Variants in RBFOX1 observed in about 807,000 individuals in gnomAD.
The protein encoded by RBFOX1 is RNA binding fox-1 homolog 1.
A neutral mutation model predicts 57.7 loss-of-function variants in RBFOX1; 8 were observed. The observed-to-expected ratio is 0.14, with a 90% confidence interval of 0.08 to 0.25. RBFOX1 has a LOEUF of 0.25. Among genes scored for constraint, RBFOX1 ranks in the 10% least tolerant of loss-of-function variants. The probability of loss-of-function intolerance (pLI) is 1.00; values close to 1 mark genes in which losing one functional copy is unlikely to be tolerated. For synonymous variants in RBFOX1, 326 were observed against 222.4 expected (o/e 1.47, Z -4.15); for missense variants, 611 against 548.5 (o/e 1.11, Z -1.14).
At chr16:7,648,519 G>A (rs1330153621) in intron 11 of RBFOX1, among the ~76,000 whole-genome samples, 1 of 152,180 alleles carries the variant, frequency 6.6e-6, no homozygotes. Context: ...CACTGTGCCT[G>A]ACCAGGAAAA....
chr16:6,109,613 A>G (rs543460373), intron 1 of RBFOX1, among the ~76,000 whole-genome samples: 97 of 152,328 alleles, frequency 6.4e-4, no homozygotes, highest in African/African-American at 2.1e-3. Context: ...TGCAGTCACG[A>G]TTGCCTGGGT....
chr16:6,921,165 T>C (rs950344113), intron 3 of RBFOX1, among the ~76,000 whole-genome samples: 1 of 152,184 alleles, frequency 6.6e-6, no homozygotes, highest in Non-Finnish European at 1.5e-5. Context: ...AATGGTGATA[T>C]TCATCTTAAC....
At chr16:5,858,044 T>A (rs895709435) in intron 3 of RBFOX1, among the ~76,000 whole-genome samples, 1 of 152,178 alleles carries the variant, frequency 6.6e-6, no homozygotes, top group African/African-American at 2.4e-5. Context: ...AGCAGAGGTA[T>A]GAGGTCAGTG....
chr16:7,349,765 A>G (rs773735031), intron 4 of RBFOX1, among the ~76,000 whole-genome samples: 1 of 152,192 alleles, frequency 6.6e-6, no homozygotes, highest in Admixed American at 6.5e-5. Flanking sequence ...GGTGTGAGTA[A>G]GACCACTTAT....
intron 3 of RBFOX1, among the ~76,000 whole-genome samples, chr16:6,997,555 T>C (rs936130390): frequency 6.6e-6 from 1 of 152,192 alleles, no homozygotes; most frequent in Admixed American, 6.5e-5. Context: ...TTAATGTGTA[T>C]GCAAATTGCA....
chr16:5,859,589 G>A (rs558566597), intron 3 of RBFOX1, among the ~76,000 whole-genome samples: 8 of 152,198 alleles, frequency 5.3e-5, no homozygotes, highest in Non-Finnish European at 1.0e-4. Flanking sequence ...AAAGTTTACA[G>A]TGGAAAATCA....
intron 2 of RBFOX1, among the ~76,000 whole-genome samples, chr16:6,342,677 A>G (rs1399816416): frequency 1.3e-5 from 2 of 152,200 alleles, no homozygotes; most frequent in Admixed American, 6.5e-5. Context: ...TCTTCCAAAT[A>G]TAACCTTTAT....
At chr16:5,622,220 A>C (rs1488611131) in intron 3 of RBFOX1, among the ~76,000 whole-genome samples, 2 of 152,224 alleles carry the variant, frequency 1.3e-5, no homozygotes, top group Non-Finnish European at 2.9e-5. Flanking sequence ...GTGTTTTGAC[A>C]GTAATTATGA....
intron 1 of RBFOX1, among the ~76,000 whole-genome samples, chr16:6,055,821 T>C (rs2095608102): frequency 6.6e-6 from 1 of 152,084 alleles, no homozygotes; most frequent in Admixed American, 6.5e-5. Context: ...ATAGAACACT[T>C]GGCAAACACA....
At chr16:6,747,347 T>C (rs751385253) in intron 3 of RBFOX1, among the ~76,000 whole-genome samples, 1 of 151,892 alleles carries the variant, frequency 6.6e-6, no homozygotes, top group Non-Finnish European at 1.5e-5. Context: ...GTAGAGATTG[T>C]AGTGAGCCAA....
At chr16:7,335,943 G>A (rs1213903984) in intron 4 of RBFOX1, among the ~76,000 whole-genome samples, 7 of 152,188 alleles carry the variant, frequency 4.6e-5, no homozygotes, top group Non-Finnish European at 1.0e-4. Context: ...TGTCTCATGT[G>A]CAGAAAAAGC....
At chr16:6,267,377 C>T (rs1387590493) in intron 1 of RBFOX1, among the ~76,000 whole-genome samples, 1 of 152,206 alleles carries the variant, frequency 6.6e-6, no homozygotes, top group Non-Finnish European at 1.5e-5. Context: ...CCCGATTTCA[C>T]TATCTCCTAT....
chr16:7,588,069 C>G (rs1040275826), intron 7 of RBFOX1, among the ~76,000 whole-genome samples: 4 of 152,134 alleles, frequency 2.6e-5, no homozygotes, highest in African/African-American at 4.8e-5. Context: ...ATTCCAGCTA[C>G]TCGGGAGGCT....
chr16:5,583,757 G>A (rs2046747997), intron 2 of RBFOX1, among the ~76,000 whole-genome samples: 1 of 152,222 alleles, frequency 6.6e-6, no homozygotes, highest in Non-Finnish European at 1.5e-5. Context: ...TAGGCTGTTA[G>A]CCCCATCTTA....
At chr16:6,719,879 G>C (rs1185722669) in intron 3 of RBFOX1, among the ~76,000 whole-genome samples, 1 of 151,954 alleles carries the variant, frequency 6.6e-6, no homozygotes, top group African/African-American at 2.4e-5. Flanking sequence ...GATCACCTGA[G>C]GTCAGGAGTT....
rs371424340 is a variant in RBFOX1, at chr16:7,675,341, C to T, written c.931-1433C>T. On this transcript the variant is annotated intron_variant, in intron 13 of 15. Coordinates refer to ENST00000550418, the MANE Select transcript of RBFOX1 (RefSeq NM_018723.4). ...TAATTGGAGAACATAGTATTTGGAA[C>T]ACCAGGTGGCATCTGGCTAAGACCT... 7.9e-5 allele frequency among the ~76,000 whole-genome samples: 12 copies of T among 151,840 alleles called. No individual in the cohort carries two copies. In the East Asian group the frequency reaches 1.7e-3, roughly 22 times the overall value.
At chr16:7,468,751 A>C (rs955144987) in intron 4 of RBFOX1, among the ~76,000 whole-genome samples, 1 of 152,146 alleles carries the variant, frequency 6.6e-6, no homozygotes, top group Admixed American at 6.5e-5. Flanking sequence ...GCAGGGATTT[A>C]GGAGATTGTC....
At chr16:6,217,055 A>G (rs957294902) in intron 1 of RBFOX1, among the ~76,000 whole-genome samples, 6 of 151,980 alleles carry the variant, frequency 3.9e-5, no homozygotes, top group African/African-American at 1.5e-4. Context: ...GTTCTGACAT[A>G]TCCGCATCTT....
At chr16:7,133,860 T>C (rs956620239) in intron 4 of RBFOX1, among the ~76,000 whole-genome samples, 2 of 152,144 alleles carry the variant, frequency 1.3e-5, no homozygotes, top group Non-Finnish European at 2.9e-5. Flanking sequence ...TTTTGAAATA[T>C]CATGGCTAAT....
Sources: allele counts gnomAD v4.1 joint callset (sites outside exome capture counted in the v4.1 genomes callset), GRCh38; gene constraint gnomAD v4.1.1; transcripts MANE v1.5; gene names NCBI Gene and HGNC (gene_info 2026-07-23, HGNC 2026-07-21).